OR6C74: variants seen among roughly 807,000 people sequenced by gnomAD.
OR6C74 encodes the protein olfactory receptor 6C74.
For missense variants in OR6C74, 361 were observed against 362.9 expected, an observed-to-expected ratio of 0.99 and a Z score of 0.04; for synonymous variants, 142 against 134.2, an observed-to-expected ratio of 1.06 and a Z score of -0.40.
Position 55,249,720 on chromosome 12 carries a change from T to C in OR6C74, c.*1494T>C, listed in dbSNP as rs1954299997. ...AATATCTAGGGAGTATTCTTTAACT[T>C]TCACTATTTGGCTTTCTTTGCATCA... is the stretch of plus-strand genomic sequence containing the variant. On this transcript the variant is annotated 3_prime_UTR_variant, in exon 2 of 2. Coordinates refer to ENST00000343399, the MANE Select transcript of OR6C74 (RefSeq NM_001005490.2). Among the ~76,000 whole-genome samples the C allele has an allele frequency of 6.6e-6, 1 of 152,106 alleles. No homozygotes were observed. The highest frequency in any genetic ancestry group is 1.5e-5 in the Non-Finnish European group (1 of 68,004).
intron 1 of OR6C74, among the ~76,000 whole-genome samples, chr12:55,245,571 A>G (rs1954264990): frequency 6.6e-6 from 1 of 152,168 alleles, no homozygotes; most frequent in African/African-American, 2.4e-5. Flanking sequence ...GTGGTTGGAA[A>G]CATATGACTA....
In OR6C74 at chr12:55,247,760, T is replaced by C; in HGVS notation, c.473T>C (p.Leu158Pro). The C allele has an allele frequency of 6.2e-7, 1 of 1,614,050 alleles. No individual in the cohort carries two copies. Among genetic ancestry groups the C allele is most frequent in the African/African-American group, 1.3e-5 (1 of 75,032 alleles). Residue 158 changes from leucine to proline, a missense_variant, in exon 2 of 2, where the codon CTC becomes CCC. Transcript: ENST00000343399. ...GGCTTCCTAATAATTTTTCCGCCACTCCTGATGGGTCTCCAGCTTGATTTC... is the reference window on the plus strand; with the variant it reads ...GGCTTCCTAATAATTTTTCCGCCACCCCTGATGGGTCTCCAGCTTGATTTC... Reference protein sequence around the residue: ...MAGFLIIFPPLLMGLQLDFCA... With the variant: ...MAGFLIIFPPPLMGLQLDFCA...
In OR6C74 at chr12:55,247,467, C is replaced by T. The variant is rs201583126; in HGVS notation, c.180C>T (p.Phe60=). ...ATCTCAAGACACCCATGTATTTCTTCCTCCGAAATTTCTCATTTTTAGAAG... is the reference window on the plus strand; with the variant it reads ...ATCTCAAGACACCCATGTATTTCTTTCTCCGAAATTTCTCATTTTTAGAAG... ...DLHLKTPMYF[F]LRNFSFLEVS... Residue 60 remains phenylalanine (F), a synonymous_variant, in exon 2 of 2, where the codon TTC becomes TTT. Transcript: ENST00000343399. 23 of 1,613,814 alleles carry T rather than the reference C, an allele frequency of 1.4e-5. No individual in the cohort carries two copies. The Admixed American group carries it at 3.7e-4, about 26-fold the overall frequency.
rs1261610803 is a variant in OR6C74 at position 55,253,730 on chromosome 12, T to C, written c.*5504T>C. On this transcript the variant is annotated 3_prime_UTR_variant, in exon 2 of 2. Transcript: ENST00000343399. ...TTTCATTGATTTCACTGTACGATTT[T>C]CTTGGGAAAGGACCACATATCTATT... Among the ~76,000 whole-genome samples, 2 of 152,122 alleles carry C rather than the reference T, an allele frequency of 1.3e-5. No homozygotes were observed. The highest frequency in any genetic ancestry group is 2.9e-5 in the Non-Finnish European group (2 of 67,976).
At chr12:55,245,569 A>G (rs1954264971) in intron 1 of OR6C74, among the ~76,000 whole-genome samples, 1 of 152,142 alleles carries the variant, frequency 6.6e-6, no homozygotes, top group South Asian at 2.1e-4. Flanking sequence ...TGGTGGTTGG[A>G]AACATATGAC....
Position 55,248,387 on chromosome 12 carries a change from A to G in OR6C74, c.*161A>G, listed in dbSNP as rs2136313996. 3 of 570,604 alleles carry G rather than the reference A, an allele frequency of 5.3e-6. No individual in the cohort carries two copies. Among genetic ancestry groups the G allele is most frequent in the East Asian group, 5.8e-5 (2 of 34,684 alleles). 35.3% of individuals were successfully genotyped at this position (570,604 alleles called of 1,614,324 possible). On this transcript the variant is annotated 3_prime_UTR_variant, in exon 2 of 2. Transcript: ENST00000343399. ...TCTCCAAAGCCTAACCTTCACTGCC[A>G]TTTCTCCCTCATGCTGAGATCACAT...
In OR6C74 at chr12:55,250,954, T is replaced by C. The variant is rs1284624656; in HGVS notation, c.*2728T>C. On this transcript the variant is annotated 3_prime_UTR_variant, in exon 2 of 2. Transcript: ENST00000343399. ...ACATAGCCTTCCTGCCTTTGATCTC[T>C]AACTCATCCTCCACATTGCTAGTAG... Among the ~76,000 whole-genome samples, 2 of 152,094 alleles carry C rather than the reference T, an allele frequency of 1.3e-5. No homozygotes were observed. Among genetic ancestry groups the C allele is most frequent in the East Asian group, 3.9e-4 (2 of 5,188 alleles).
chr12:55,249,736 C>G lies in OR6C74; in HGVS notation c.*1510C>G, dbSNP rs1226147751. 1.3e-5 allele frequency among the ~76,000 whole-genome samples: 2 copies of G among 151,894 alleles called. No individual in the cohort carries two copies. The highest frequency in any genetic ancestry group is 2.4e-5 in the African/African-American group (1 of 41,326). Reference sequence around the variant, plus strand: ...TCTTTAACTTTCACTATTTGGCTTTCTTTGCATCAGGAATTTAAGTTTTTT... The same window carrying G: ...TCTTTAACTTTCACTATTTGGCTTTGTTTGCATCAGGAATTTAAGTTTTTT... On this transcript the variant is annotated 3_prime_UTR_variant, in exon 2 of 2. Transcript: ENST00000343399.
In OR6C74 at chr12:55,248,838, T is replaced by TA. The variant is rs1453437056; in HGVS notation, c.*613dup. Among the ~76,000 whole-genome samples the TA allele has an allele frequency of 8.5e-5, 13 of 152,224 alleles. No individual in the cohort carries two copies. The highest frequency in any genetic ancestry group is 1.9e-4 in the Non-Finnish European group (13 of 68,028). On this transcript the variant is annotated 3_prime_UTR_variant, in exon 2 of 2. Transcript: ENST00000343399. Reference sequence around the variant, plus strand: ...GCTATTGCAGCTATCATATAGAACTTACAGCTAGCATTTATTGATTGCTTA... The same window carrying TA: ...GCTATTGCAGCTATCATATAGAACTTAACAGCTAGCATTTATTGATTGCTTA...
rs1329293028 is a variant in OR6C74, at chr12:55,253,775, T to A, written c.*5549T>A. On this transcript the variant is annotated 3_prime_UTR_variant, in exon 2 of 2. Transcript: ENST00000343399. ...TCTATTGAAGGACACTAGCGGAAGATTTGGATATTAATATGCATGACAGTT... is the reference window on the plus strand; with the variant it reads ...TCTATTGAAGGACACTAGCGGAAGAATTGGATATTAATATGCATGACAGTT... Among the ~76,000 whole-genome samples the A allele has an allele frequency of 6.6e-6, 1 of 152,068 alleles. No individual in the cohort carries two copies. Among genetic ancestry groups the A allele is most frequent in the Non-Finnish European group, 1.5e-5 (1 of 67,966 alleles).
rs1242663987 is a variant in OR6C74 at position 55,253,102 on chromosome 12, G to GT, written c.*4877dup. The stretch of plus-strand genomic sequence containing the variant: ...GATGGCAAAGGGCTAGAGTACAAAG[G>GT]TATACCATTTTATTTGCAGGTTGTG... On this transcript the variant is annotated 3_prime_UTR_variant, in exon 2 of 2. Transcript: ENST00000343399. Among the ~76,000 whole-genome samples, 14 of 151,820 alleles carry GT rather than the reference G, an allele frequency of 9.2e-5. No individual in the cohort carries two copies. Among genetic ancestry groups the GT allele is most frequent in the African/African-American group, 3.4e-4 (14 of 41,340 alleles).
chr12:55,247,535 T>C lies in OR6C74; in HGVS notation c.248T>C (p.Met83Thr), dbSNP rs748565821. Residue 83 changes from methionine to threonine, a missense_variant, in exon 2 of 2, where the codon ATG becomes ACG. By Grantham distance (81) the Met-to-Thr change is moderately conservative (BLOSUM62 -1). Coordinates refer to ENST00000343399, the MANE Select transcript of OR6C74 (RefSeq NM_001005490.2). ...TVYIPKFLVS[M>T]ATGDKTISYN... Reference sequence around the variant, plus strand: ...TACATTCCCAAATTTCTTGTTAGTATGGCAACAGGTGATAAGACCATTTCT... The same window carrying C: ...TACATTCCCAAATTTCTTGTTAGTACGGCAACAGGTGATAAGACCATTTCT... The C allele has an allele frequency of 3.1e-6, 5 of 1,613,316 alleles. No individual in the cohort carries two copies. The South Asian group carries it at 3.3e-5, about 11-fold the overall frequency.
In OR6C74 at chr12:55,253,265, A is replaced by G. The variant is rs559639283; in HGVS notation, c.*5039A>G. Among the ~76,000 whole-genome samples, 8 of 152,254 alleles carry G rather than the reference A, an allele frequency of 5.3e-5. No individual in the cohort carries two copies. In the South Asian group the frequency reaches 1.4e-3, roughly 28 times the overall value. ...TGAAAAGACAGTTGCAATTGAATTT[A>G]CTACCTAATTTAACTTATGGGTTCA... is the stretch of plus-strand genomic sequence containing the variant. On this transcript the variant is annotated 3_prime_UTR_variant, in exon 2 of 2. Coordinates refer to ENST00000343399, the MANE Select transcript of OR6C74 (RefSeq NM_001005490.2).
rs1954341576 is a variant in OR6C74 at position 55,255,967 on chromosome 12, G to A, written c.*7741G>A. ...TAGTAAAATTATTCTATATAGTAAT[G>A]TAAAGATGAATACATAATGTAGGGA... On this transcript the variant is annotated 3_prime_UTR_variant, in exon 2 of 2. Transcript: ENST00000343399. Among the ~76,000 whole-genome samples, 1 of 151,956 alleles carries A rather than the reference G, an allele frequency of 6.6e-6. No homozygotes were observed. The highest frequency in any genetic ancestry group is 6.6e-5 in the Admixed American group (1 of 15,256).
In OR6C74 at chr12:55,247,544, G is replaced by T. The variant is rs6581025; in HGVS notation, c.257G>T (p.Gly86Val). The change falls in exon 2 of 2, where the codon GGT becomes GTT. Residue 86 changes from glycine (G) to valine (V), a missense_variant. By Grantham distance (109) the Gly-to-Val change is moderately radical (BLOSUM62 -3). Transcript: ENST00000343399. ...IPKFLVSMAT[G>V]DKTISYNDCA... The stretch of plus-strand genomic sequence containing the variant: ...AAATTTCTTGTTAGTATGGCAACAG[G>T]TGATAAGACCATTTCTTACAACGAT... 6.2e-7 allele frequency: 1 copy of T among 1,612,318 alleles called. No individual in the cohort carries two copies. The highest frequency in any genetic ancestry group is 8.5e-7 in the Non-Finnish European group (1 of 1,178,950).
chr12:55,247,224 C>A, intron 1 of OR6C74, 55 bp from the exon 2 acceptor site: 1 of 998,098 alleles, frequency 1.0e-6, no homozygotes, highest in Non-Finnish European at 1.5e-6. Context: ...AAATGGGTAT[C>A]TCATGCAGAC....
rs1225929278 is a variant in OR6C74, at chr12:55,251,359, A to G, written c.*3133A>G. 6.6e-6 allele frequency among the ~76,000 whole-genome samples: 1 copy of G among 152,084 alleles called. No homozygotes were observed. Among genetic ancestry groups the G allele is most frequent in the East Asian group, 1.9e-4 (1 of 5,190 alleles). On this transcript the variant is annotated 3_prime_UTR_variant, in exon 2 of 2. Coordinates refer to ENST00000343399, the MANE Select transcript of OR6C74 (RefSeq NM_001005490.2). ...TAGTCAACTCTAGATGGTGCTTATC[A>G]TAGCACATGTAATTAACTATATTTA...
In OR6C74 at chr12:55,247,700, T is replaced by C. The variant is rs1361617749; in HGVS notation, c.413T>C (p.Val138Ala). 1 of 1,613,962 alleles carries C rather than the reference T, an allele frequency of 6.2e-7. No individual in the cohort carries two copies. The highest frequency in any genetic ancestry group is 1.3e-5 in the African/African-American group (1 of 74,984). The change falls in exon 2 of 2, where the codon GTT becomes GCT. Residue 138 changes from valine (V) to alanine (A), a missense_variant. Physicochemically the swap from Val to Ala is moderately conservative, Grantham distance 64. Transcript: ENST00000343399. ...LHYTTIMSSRVCSLLVFASWM... is the reference protein window; with the variant it reads ...LHYTTIMSSRACSLLVFASWM... ...TACACCACCATCATGAGCAGCAGAGTTTGCAGCTTGCTGGTCTTTGCTTCA... is the reference window on the plus strand; with the variant it reads ...TACACCACCATCATGAGCAGCAGAGCTTGCAGCTTGCTGGTCTTTGCTTCA...
At chr12:55,247,121 T>C (rs1490726209) in intron 1 of OR6C74, 158 bp from the exon 2 acceptor site, 8 of 494,724 alleles carry the variant, frequency 1.6e-5, no homozygotes, top group Non-Finnish European at 2.8e-5. Context: ...TTTAGCAACA[T>C]TTTGAGTAAA....
Sources: allele counts gnomAD v4.1 joint callset (sites outside exome capture counted in the v4.1 genomes callset), GRCh38; gene constraint gnomAD v4.1.1; transcripts MANE v1.5; gene names NCBI Gene and HGNC (gene_info 2026-07-23, HGNC 2026-07-21).